The following KANSL1 variants were observed in gnomAD, a reference collection of about 807,000 sequenced individuals.
The protein encoded by KANSL1 is MLL1/MLL complex subunit KANSL1.
Under a neutral mutation model 103.6 loss-of-function variants are expected in KANSL1, and 22 were observed. The ratio of observed to expected loss-of-function variants is 0.21; its 90% CI spans 0.15 to 0.30. KANSL1 has a LOEUF of 0.30. Among genes scored for constraint, KANSL1 ranks in the 10% least tolerant of loss-of-function variants. The probability of loss-of-function intolerance (pLI) is 1.00; values close to 1 mark genes in which losing one functional copy is unlikely to be tolerated. For missense variants in KANSL1, 1,337 were observed against 1,399.8 expected, an observed-to-expected ratio of 0.96 and a Z score of 0.72; for synonymous variants, 600 against 527.6, an observed-to-expected ratio of 1.14 and a Z score of -1.88.
upstream of KANSL1, chr17:46,196,065 G>C (rs2047597183): frequency 3.3e-6 from 1 of 301,356 alleles, no homozygotes; most frequent in South Asian, 2.7e-5. Context: ...AACAGAGTGA[G>C]ACCCTATCTC....
In KANSL1 at chr17:46,034,187, C is replaced by A. The variant is rs773932947; in HGVS notation, c.2640G>T (p.Leu880=). ...TGGGCGTAAGGATTTCCTTGTATTG[C>A]AGTTTCTCTACGCGAGTTGTTGCAG... is the stretch of plus-strand genomic sequence containing the variant. ...SVAATTRVEK[L]QYKEILTPSW... The change falls in exon 11 of 15, where the codon CTG becomes CTT. Residue 880 remains leucine (L), a synonymous_variant. Coordinates refer to ENST00000432791, the MANE Select transcript of KANSL1 (RefSeq NM_015443.4). 6.2e-6 allele frequency: 10 copies of A among 1,613,922 alleles called. No individual in the cohort carries two copies. The highest frequency in any genetic ancestry group is 8.5e-6 in the Non-Finnish European group (10 of 1,179,968).
At chr17:46,055,244 AC>A (rs1481074301) in intron 6 of KANSL1, among the ~76,000 whole-genome samples, 1 of 151,806 alleles carries the variant, frequency 6.6e-6, no homozygotes, top group Non-Finnish European at 1.5e-5. Flanking sequence ...CAGGTGGATC[AC>A]CTGAGGTTAG....
At chr17:46,181,339 T>G (rs2046780752) in intron 1 of KANSL1, among the ~76,000 whole-genome samples, 1 of 152,210 alleles carries the variant, frequency 6.6e-6, no homozygotes, top group South Asian at 2.1e-4. Flanking sequence ...CTGTCTAGAT[T>G]ATCACAACAG....
intron 1 of KANSL1, among the ~76,000 whole-genome samples, chr17:46,209,113 T>G: frequency 6.7e-6 from 1 of 148,356 alleles, no homozygotes; most frequent in Non-Finnish European, 1.5e-5. Flanking sequence ...AACCCGGGAG[T>G]CGGAGGTTGC....
intron 1 of KANSL1, among the ~76,000 whole-genome samples, chr17:46,181,832 A>G (rs2046808609): frequency 6.6e-6 from 1 of 150,856 alleles, no homozygotes; most frequent in South Asian, 2.1e-4. Context: ...CAGATTCCCA[A>G]CTCCGTATCT....
intron 1 of KANSL1, among the ~76,000 whole-genome samples, chr17:46,220,466 T>G (rs1176395142): frequency 2.9e-4 from 44 of 152,136 alleles, no homozygotes; most frequent in African/African-American, 9.6e-4. Flanking sequence ...TCCGCCCGCC[T>G]CGGCCTCCCA....
At chr17:46,121,264 G>A (rs2043267939) in intron 2 of KANSL1, 1 of 151,762 alleles carries the variant, frequency 6.6e-6, no homozygotes, top group Non-Finnish European at 1.5e-5. Context: ...CTACCTTAGA[G>A]CAAGAGCTAC....
intron 4 of KANSL1, among the ~76,000 whole-genome samples, chr17:46,068,079 C>G (rs1322220465): frequency 6.6e-6 from 1 of 152,052 alleles, no homozygotes; most frequent in Non-Finnish European, 1.5e-5. Flanking sequence ...AAAATGACCT[C>G]AATAATTCTA....
chr17:46,046,840 T>TAAA (rs36102082), intron 7 of KANSL1, among the ~76,000 whole-genome samples: 17,079 of 118,308 alleles, frequency 0.14, 1,453 homozygotes, highest in Non-Finnish European at 0.21. Flanking sequence ...GTCTCAAAAG[T>TAAA]AAAAAAAAAA....
intron 4 of KANSL1, among the ~76,000 whole-genome samples, chr17:46,079,184 T>C (rs1339729115): frequency 1.3e-5 from 2 of 152,232 alleles, no homozygotes. Context: ...CACCCATGAA[T>C]TCAGTCTCCA....
At chr17:46,087,049 G>C (rs930352606) in intron 3 of KANSL1, among the ~76,000 whole-genome samples, 1 of 152,140 alleles carries the variant, frequency 6.6e-6, no homozygotes, top group Non-Finnish European at 1.5e-5. Flanking sequence ...TTGCAGGCAT[G>C]AGCCACTGTG....
chr17:46,171,471 T>C lies in KANSL1; in HGVS notation c.673A>G (p.Asn225Asp), dbSNP rs35643216. 0.15 allele frequency: 232,775 copies of C among 1,568,724 alleles called. No homozygotes were observed. The highest frequency in any genetic ancestry group is 0.17 in the Non-Finnish European group (199,497 of 1,139,980). ...GAGGATTTGTTTGCAGTGCTATTAT[T>C]GCTATACAAAGTTGTGTGTTCTACA... ...LDVEHTTLYSNNSTANKSSVN... is the reference protein window; with the variant it reads ...LDVEHTTLYSDNSTANKSSVN... Residue 225 changes from asparagine (N) to aspartate (D), a missense_variant, in exon 2 of 15, where the codon AAT (asparagine) becomes GAT (aspartate). Asn to Asp is a conservative substitution (Grantham distance 23). Around this residue, in one of 2 missense-constraint regions of KANSL1, gnomAD observed 557 missense variants for 476.4 expected, o/e 1.17. Transcript: ENST00000432791.
At chr17:46,183,467 C>T (rs920223473) in intron 1 of KANSL1, among the ~76,000 whole-genome samples, 5 of 151,828 alleles carry the variant, frequency 3.3e-5, no homozygotes, top group South Asian at 2.1e-4. Context: ...TTGAGCCTGG[C>T]GGGTGGAGGT....
intron 7 of KANSL1, 184 bp downstream of exon 7, chr17:46,050,349 A>C: frequency 1.7e-6 from 1 of 597,428 alleles, no homozygotes; most frequent in Non-Finnish European, 2.9e-6. Context: ...GCAACCTTTT[A>C]GTGGCACCTT....
At chr17:46,173,067 T>C (rs2240757) in intron 1 of KANSL1, among the ~76,000 whole-genome samples, 21,647 of 151,722 alleles carry the variant, frequency 0.14, 1,766 homozygotes, top group East Asian at 0.46. Context: ...TCAAATCCAA[T>C]GGTCAAACCT....
intron 7 of KANSL1, chr17:46,041,462 C>G (rs2077310997): frequency 6.6e-6 from 1 of 152,152 alleles, no homozygotes; most frequent in African/African-American, 2.4e-5. Context: ...CACATTTTTC[C>G]TCACCTCCCA....
chr17:46,192,430 C>T (rs1477947407), intron 1 of KANSL1: 1 of 152,580 alleles, frequency 6.6e-6, no homozygotes, highest in Non-Finnish European at 1.5e-5. Context: ...GTGCAACGCG[C>T]CAAGATGTGT....
intron 10 of KANSL1, chr17:46,034,613 T>C (rs1219656157): frequency 7.5e-6 from 2 of 267,364 alleles, no homozygotes; most frequent in African/African-American, 2.3e-5. Context: ...TACACCTCTA[T>C]TAACCTCCTC....
intron 2 of KANSL1, among the ~76,000 whole-genome samples, chr17:46,151,274 G>C (rs368585004): frequency 1.8e-4 from 28 of 152,144 alleles, no homozygotes; most frequent in Admixed American, 9.8e-4. Context: ...CTGCCACCCC[G>C]GGCTTACTGA....
Sources: gnomAD v4.1 joint callset for allele counts (sites outside exome capture counted in the v4.1 genomes callset) on GRCh38, gnomAD v4.1.1 for gene constraint, gnomAD v4.1.1 regional missense constraint, MANE v1.5 for transcripts, NCBI Gene and HGNC (gene_info 2026-07-23, HGNC 2026-07-21) for gene names.